The following SHROOM4 variants were observed in gnomAD, a reference collection of about 807,000 sequenced individuals.
SHROOM4 encodes the protein shroom family member 4, also known as protein Shroom4.
A neutral mutation model predicts 80.3 loss-of-function variants in SHROOM4; 17 were observed. That is an observed-to-expected ratio of 0.21 (90% confidence interval 0.14 to 0.32). SHROOM4 has a LOEUF of 0.32. Ranked by LOEUF, SHROOM4 falls within the 10% of genes least tolerant of loss-of-function variation. The pLI is 1.00. For missense variants in SHROOM4, 993 were observed against 1,140.3 expected, an observed-to-expected ratio of 0.87 and a Z score of 1.86; for synonymous variants, 400 against 437.5, an observed-to-expected ratio of 0.91 and a Z score of 1.07.
At chrX:50,809,370 C>T (rs1936289410) in intron 1 of SHROOM4, among the ~76,000 whole-genome samples, 1 of 112,466 alleles carries the variant, frequency 8.9e-6, no homozygotes, top group Non-Finnish European at 1.9e-5. Context: ...TCTCAACTGC[C>T]TCTCTGTGTG....
intron 1 of SHROOM4, among the ~76,000 whole-genome samples, chrX:50,795,088 G>C (rs56307623): frequency 2.5e-4 from 7 of 28,158 alleles, no homozygotes; most frequent in Admixed American, 1.4e-3. Flanking sequence ...ATATATATAT[G>C]ATATATATAT....
chrX:50,656,726 A>G (rs1932320381), intron 2 of SHROOM4, among the ~76,000 whole-genome samples: 1 of 106,601 alleles, frequency 9.4e-6, no homozygotes, highest in Non-Finnish European at 1.9e-5. Context: ...TTCATTAGCT[A>G]TTTGGGGTCT....
downstream of SHROOM4, among the ~76,000 whole-genome samples, chrX:50,585,650 T>A (rs981470936): frequency 2.7e-5 from 3 of 111,131 alleles, no homozygotes; most frequent in Admixed American, 9.6e-5. Context: ...AGGCAGGGTG[T>A]TTGTTCTTCA....
chrX:50,785,522 A>C (rs1254945454), intron 1 of SHROOM4, among the ~76,000 whole-genome samples: 1 of 112,247 alleles, frequency 8.9e-6, no homozygotes, highest in Non-Finnish European at 1.9e-5. Context: ...TGATATATGC[A>C]ACAACATAGA....
intron 1 of SHROOM4, among the ~76,000 whole-genome samples, chrX:50,800,819 G>A (rs1432229628): frequency 9.1e-6 from 1 of 110,451 alleles, no homozygotes; most frequent in Non-Finnish European, 1.9e-5. Context: ...TTTAAGGGAG[G>A]GAGGAGGGGA....
At position 50,633,831 on chromosome X, in the gene SHROOM4, G is replaced by T; in HGVS notation, c.2242C>A (p.Pro748Thr). Residue 748 changes from proline (P) to threonine (T), a missense_variant, in exon 4 of 9, where the codon CCA becomes ACA. Coordinates refer to ENST00000376020, the MANE Select transcript of SHROOM4 (RefSeq NM_020717.5). ...GCCTTCAATTCCTTGTTGTCACCTGGGTTGGAAGGGCCTTCCATGGCTGCT... is the reference window on the plus strand; with the variant it reads ...GCCTTCAATTCCTTGTTGTCACCTGTGTTGGAAGGGCCTTCCATGGCTGCT... ...VAAAMEGPSNPGDNKELKAST... is the reference protein window; with the variant it reads ...VAAAMEGPSNTGDNKELKAST... The T allele has an allele frequency of 8.2e-7, 1 of 1,212,213 alleles. No homozygotes were observed. The highest frequency in any genetic ancestry group is 1.1e-6 in the Non-Finnish European group (1 of 895,651).
intron 1 of SHROOM4, among the ~76,000 whole-genome samples, chrX:50,710,061 T>C (rs1213368536): frequency 8.0e-5 from 9 of 112,138 alleles, no homozygotes; most frequent in African/African-American, 2.9e-4. Context: ...GCATGTTTGG[T>C]AGGGGCAGGC....
intron 2 of SHROOM4, among the ~76,000 whole-genome samples, chrX:50,683,267 T>A (rs368901474): frequency 8.9e-6 from 1 of 111,840 alleles, no homozygotes; most frequent in African/African-American, 3.3e-5. Flanking sequence ...AATGTGGCCA[T>A]AACATAAAGT....
At chrX:50,692,188 A>G in intron 2 of SHROOM4, among the ~76,000 whole-genome samples, 1 of 111,225 alleles carries the variant, frequency 9.0e-6, no homozygotes, top group Non-Finnish European at 1.9e-5. Context: ...ACACCTGAAC[A>G]CTCTCATTCT....
chrX:50,662,316 T>C (rs1390359388), intron 2 of SHROOM4, among the ~76,000 whole-genome samples: 2 of 110,525 alleles, frequency 1.8e-5, no homozygotes, highest in Admixed American at 9.6e-5. Flanking sequence ...CTGGCCAACA[T>C]AGTGAAAGCC....
At chrX:50,779,455 T>G (rs1177227074) in intron 1 of SHROOM4, among the ~76,000 whole-genome samples, 3 of 112,388 alleles carry the variant, frequency 2.7e-5, no homozygotes, top group Non-Finnish European at 5.6e-5. Context: ...AAAATAGTAC[T>G]GTGGATATTG....
intron 2 of SHROOM4, among the ~76,000 whole-genome samples, chrX:50,681,219 G>A (rs1413888856): frequency 9.0e-6 from 1 of 111,098 alleles, no homozygotes; most frequent in African/African-American, 3.3e-5. Flanking sequence ...AGCAGCCACG[G>A]TGATCATCTA....
intron 1 of SHROOM4, among the ~76,000 whole-genome samples, chrX:50,696,654 T>TTTTTTA (rs1933378144): frequency 8.9e-6 from 1 of 112,324 alleles, no homozygotes; most frequent in African/African-American, 3.2e-5. Context: ...TGTAGCTGCT[T>TTTTTTA]CTTTATCTAT....
chrX:50,695,058 A>G (rs1282193008), intron 2 of SHROOM4, among the ~76,000 whole-genome samples: 2 of 111,508 alleles, frequency 1.8e-5, no homozygotes, highest in African/African-American at 6.5e-5. Context: ...TTTTGGTGGT[A>G]GCAGAATGAC....
At chrX:50,620,472 C>T (rs12009478) in intron 5 of SHROOM4, among the ~76,000 whole-genome samples, 4,783 of 110,919 alleles carry the variant, frequency 0.043, 240 homozygotes, top group African/African-American at 0.15. Flanking sequence ...TTTTTTCCCT[C>T]TTAGGTTATT....
intron 1 of SHROOM4, among the ~76,000 whole-genome samples, chrX:50,723,180 T>C (rs1239739495): frequency 9.7e-6 from 1 of 102,853 alleles, no homozygotes; most frequent in Non-Finnish European, 2.0e-5. Flanking sequence ...AAACCTGTTC[T>C]GCTAATCTTT....
chrX:50,770,324 C>A (rs1348222299), intron 1 of SHROOM4, among the ~76,000 whole-genome samples: 1 of 112,109 alleles, frequency 8.9e-6, no homozygotes, highest in Non-Finnish European at 1.9e-5. Context: ...GGTTTGCTTA[C>A]AAACAAAGTC....
chrX:50,592,545 T>TAG lies in SHROOM4; in HGVS notation c.*4148_*4149dup, dbSNP rs2081493243. 5.9e-6 allele frequency: 1 copy of TAG among 168,374 alleles called. No homozygotes were observed. The highest frequency in any genetic ancestry group is 7.3e-5 in the Admixed American group (1 of 13,735). The allele number at this position is 168,374 out of a possible 1,213,427, so 13.9% of individuals were successfully genotyped here. On this transcript the variant is annotated 3_prime_UTR_variant, in exon 9 of 9. Transcript: ENST00000376020. ...ACTCTACCACAATGGATATCTTGAG[T>TAG]AGAAGGAGGATAGTTGGAATGTGAA...
intron 1 of SHROOM4, among the ~76,000 whole-genome samples, chrX:50,758,967 T>C (rs1557268620): frequency 8.9e-6 from 1 of 112,074 alleles, no homozygotes. Context: ...TGCTCCTTTA[T>C]ACTTTTTAAT....
Sources: gnomAD v4.1 joint callset for allele counts (sites outside exome capture counted in the v4.1 genomes callset) on GRCh38, gnomAD v4.1.1 for gene constraint, MANE v1.5 for transcripts, NCBI Gene and HGNC (gene_info 2026-07-23, HGNC 2026-07-21) for gene names.